Variants in KCND2 observed in about 807,000 individuals in gnomAD.
KCND2 encodes A-type voltage-gated potassium channel KCND2.
In KCND2, 16 loss-of-function variants were observed where a neutral mutation model predicts 54.4. The ratio of observed to expected loss-of-function variants is 0.29; its 90% CI spans 0.20 to 0.45. The LOEUF is 0.45. Ranked by LOEUF, KCND2 falls within the 20% of genes least tolerant of loss-of-function variation. The pLI is 1.00. For missense variants in KCND2, 486 were observed against 824.2 expected (o/e 0.59, Z 5.02); for synonymous variants, 317 against 310.7 (o/e 1.02, Z -0.21).
chr7:120,676,651 A>G (rs1792064724), intron 1 of KCND2, among the ~76,000 whole-genome samples: 1 of 152,372 alleles, frequency 6.6e-6, no homozygotes, highest in East Asian at 1.9e-4. Context: ...CAAGATATCA[A>G]AGATGAGTTA....
Position 120,661,375 on chromosome 7 carries a change from A to C in KCND2, c.1116-71528A>C, listed in dbSNP as rs182304165. ...AGTAAAAGAAAAAAGGAGGCCAGGC[A>C]CTGTGGCTCACACCTGTAATCCCAG... On this transcript the variant is annotated intron_variant, in intron 1 of 5. Transcript: ENST00000331113. Among the ~76,000 whole-genome samples, 443 of 152,294 alleles carry C rather than the reference A, an allele frequency of 2.9e-3. 1 individual carries two copies. Among genetic ancestry groups the C allele is most frequent in the African/African-American group, 0.01 (424 of 41,562 alleles).
chr7:120,717,555 A>G (rs916688578), intron 1 of KCND2, among the ~76,000 whole-genome samples: 5 of 152,298 alleles, frequency 3.3e-5, no homozygotes, highest in African/African-American at 1.2e-4. Context: ...CTTCTTAGGC[A>G]GAATTAGTCT....
chr7:120,676,217 C>T (rs1360096644), intron 1 of KCND2, among the ~76,000 whole-genome samples: 3 of 152,166 alleles, frequency 2.0e-5, no homozygotes, highest in Non-Finnish European at 4.4e-5. Context: ...TTATTTTAGC[C>T]AGCTTCTTAT....
chr7:120,431,924 G>A (rs1281572315), intron 1 of KCND2, among the ~76,000 whole-genome samples: 1 of 152,048 alleles, frequency 6.6e-6, no homozygotes, highest in Admixed American at 6.6e-5. Flanking sequence ...GATATGTGTA[G>A]TAGTAGTAGG....
intron 1 of KCND2, among the ~76,000 whole-genome samples, chr7:120,716,529 A>G (rs1792605228): frequency 6.6e-6 from 1 of 152,160 alleles, no homozygotes; most frequent in African/African-American, 2.4e-5. Context: ...TCTCTAAGGC[A>G]TAATGGCTGG....
chr7:120,337,036 A>G (rs987999989), intron 1 of KCND2, among the ~76,000 whole-genome samples: 4 of 152,094 alleles, frequency 2.6e-5, no homozygotes, highest in African/African-American at 9.7e-5. Flanking sequence ...GAAAATTCAT[A>G]TGACAAGTAA....
At chr7:120,505,278 T>C (rs1802996678) in intron 1 of KCND2, among the ~76,000 whole-genome samples, 1 of 151,670 alleles carries the variant, frequency 6.6e-6, no homozygotes, top group African/African-American at 2.4e-5. Flanking sequence ...TCCCTCCCTC[T>C]TCCCCTTAAC....
At chr7:120,506,196 A>G (rs569149418) in intron 1 of KCND2, among the ~76,000 whole-genome samples, 10 of 151,870 alleles carry the variant, frequency 6.6e-5, no homozygotes, top group African/African-American at 2.4e-4. Flanking sequence ...AGTAGTATGG[A>G]ACTCTAACTT....
At chr7:120,369,000 T>A (rs1250394342) in intron 1 of KCND2, among the ~76,000 whole-genome samples, 1 of 152,098 alleles carries the variant, frequency 6.6e-6, no homozygotes, top group Non-Finnish European at 1.5e-5. Context: ...AGCTACTGTT[T>A]GTTCACACCA....
rs761889489 is a variant in KCND2, at chr7:120,274,971, T to G, written c.339T>G (p.Ser113=). Residue 113 remains serine, a synonymous_variant, in exon 1 of 6, where the codon TCT becomes TCG. Coordinates refer to ENST00000331113, the MANE Select transcript of KCND2 (RefSeq NM_012281.3). ...KLHYPRHECI[S]AYDEELAFFG... is the part of the protein sequence containing the mutation. Reference sequence around the variant, plus strand: ...ACTATCCTCGCCACGAGTGCATCTCTGCTTACGATGAAGAACTGGCCTTCT... The same window carrying G: ...ACTATCCTCGCCACGAGTGCATCTCGGCTTACGATGAAGAACTGGCCTTCT... 1 of 1,614,124 alleles carries G rather than the reference T, an allele frequency of 6.2e-7. No homozygotes were observed. The highest frequency in any genetic ancestry group is 1.1e-5 in the South Asian group (1 of 91,082).
At chr7:120,741,314 C>T (rs1230903999) in intron 2 of KCND2, among the ~76,000 whole-genome samples, 2 of 152,086 alleles carry the variant, frequency 1.3e-5, no homozygotes, top group Non-Finnish European at 2.9e-5. Context: ...TTCTTAAAGG[C>T]ATAAGCCAGC....
chr7:120,713,971 C>T (rs1347320827), intron 1 of KCND2, among the ~76,000 whole-genome samples: 1 of 152,122 alleles, frequency 6.6e-6, no homozygotes, highest in Non-Finnish European at 1.5e-5. Context: ...ACATTTTTCT[C>T]TTTGCAATAA....
chr7:120,405,248 C>G (rs534941127), intron 1 of KCND2, among the ~76,000 whole-genome samples: 56 of 152,096 alleles, frequency 3.7e-4, no homozygotes, highest in Non-Finnish European at 6.6e-4. Context: ...TCGTCATTTT[C>G]AATTTTAAAG....
intron 1 of KCND2, among the ~76,000 whole-genome samples, chr7:120,383,349 C>A (rs77270239): frequency 6.6e-6 from 1 of 152,094 alleles, no homozygotes; most frequent in Non-Finnish European, 1.5e-5. Context: ...TTCCATTTGG[C>A]ACCTTATAGT....
intron 1 of KCND2, among the ~76,000 whole-genome samples, chr7:120,283,283 A>G (rs1223525123): frequency 1.3e-5 from 2 of 152,182 alleles, no homozygotes; most frequent in Non-Finnish European, 2.9e-5. Flanking sequence ...ACTATGTAGG[A>G]TATGATAGAC....
chr7:120,474,473 G>A lies in KCND2; in HGVS notation c.1115+198726G>A, dbSNP rs533025970. Among the ~76,000 whole-genome samples the A allele has an allele frequency of 1.1e-4, 16 of 151,824 alleles. No homozygotes were observed. The East Asian group carries it at 2.9e-3, about 28-fold the overall frequency. ...CTGCCTTAGTCTCCAATGTAGCTGG[G>A]ATTACAGGCACGTGCCACCATGCCC... On this transcript the variant is annotated intron_variant, in intron 1 of 5. Coordinates refer to ENST00000331113, the MANE Select transcript of KCND2 (RefSeq NM_012281.3).
chr7:120,359,414 G>T (rs951316962), intron 1 of KCND2, among the ~76,000 whole-genome samples: 1 of 151,872 alleles, frequency 6.6e-6, no homozygotes, highest in Non-Finnish European at 1.5e-5. Flanking sequence ...TTGCAAAATG[G>T]GTGACATCTC....
chr7:120,744,465 A>T (rs1792980786), intron 4 of KCND2, among the ~76,000 whole-genome samples: 1 of 152,140 alleles, frequency 6.6e-6, no homozygotes, highest in Non-Finnish European at 1.5e-5. Context: ...AATCTCATGC[A>T]TTATAACTTA....
intron 1 of KCND2, among the ~76,000 whole-genome samples, chr7:120,511,433 C>T (rs1038821966): frequency 1.3e-5 from 2 of 152,000 alleles, no homozygotes; most frequent in Non-Finnish European, 2.9e-5. Flanking sequence ...TAGCACCTGG[C>T]TCACAGTAGG....
Sources: allele counts gnomAD v4.1 joint callset (sites outside exome capture counted in the v4.1 genomes callset), GRCh38; gene constraint gnomAD v4.1.1; transcripts MANE v1.5; gene names NCBI Gene and HGNC (gene_info 2026-07-23, HGNC 2026-07-21).